The following RNF150 variants were observed in gnomAD, a reference collection of about 807,000 sequenced individuals.
RNF150 encodes ring finger protein 150.
A neutral mutation model predicts 39.3 loss-of-function variants in RNF150; 24 were observed. That is an observed-to-expected ratio of 0.61 (90% CI 0.44 to 0.86). The LOEUF (loss-of-function observed/expected upper bound fraction) is 0.86, where lower values mean the gene tolerates loss of function less well. Among genes scored for constraint, RNF150 ranks in the 40% least tolerant of loss-of-function variants. The pLI, the probability that RNF150 is intolerant of heterozygous loss-of-function variation, is 0.00. For missense variants in RNF150, 502 were observed against 587.8 expected (o/e 0.85, Z 1.51); for synonymous variants, 255 against 227.3 (o/e 1.12, Z -1.10).
chr4:140,980,741 G>C (rs768360213), intron 1 of RNF150, among the ~76,000 whole-genome samples: 1 of 152,150 alleles, frequency 6.6e-6, no homozygotes, highest in Non-Finnish European at 1.5e-5. Context: ...CCTTCCGCAT[G>C]ATTGTAAGTT....
At position 140,911,163 on chromosome 4, in the gene RNF150, G is replaced by T. The variant is rs761038881; in HGVS notation, c.1179C>A (p.Asp393Glu). 1.4e-5 allele frequency: 22 copies of T among 1,613,658 alleles called. No homozygotes were observed. The highest frequency in any genetic ancestry group is 1.8e-5 in the Non-Finnish European group (21 of 1,179,694). The change falls in exon 6 of 7, where the codon GAC (aspartate) becomes GAA (glutamate). Residue 393 changes from aspartate to glutamate, a missense_variant. Asp to Glu is a conservative substitution (Grantham distance 45). Transcript: ENST00000515673. Reference protein sequence around the residue: ...QDTDPIPQEGDVIFTTNSEQE... With the variant: ...QDTDPIPQEGEVIFTTNSEQE... ...ACTCACTGTTAGTAGTAAAGATGAC[G>T]TCTCCCTCCTGGGGGATGGGGTCTG...
At chr4:141,163,332 C>T (rs1175109791) in intron 1 of RNF150, among the ~76,000 whole-genome samples, 3 of 152,228 alleles carry the variant, frequency 2.0e-5, no homozygotes, top group Non-Finnish European at 4.4e-5. Flanking sequence ...TCTCCCATCT[C>T]CCTGGGACAG....
At chr4:141,191,089 G>T (rs17006963) in intron 1 of RNF150, among the ~76,000 whole-genome samples, 1 of 152,100 alleles carries the variant, frequency 6.6e-6, no homozygotes, top group Non-Finnish European at 1.5e-5. Context: ...AGAAGAGATG[G>T]GTCCTTAAAT....
chr4:140,976,566 G>A (rs1037694702), intron 1 of RNF150, among the ~76,000 whole-genome samples: 1 of 151,924 alleles, frequency 6.6e-6, no homozygotes, highest in Non-Finnish European at 1.5e-5. Flanking sequence ...CCTCTGGAAT[G>A]CTGACTTCAA....
At chr4:140,896,020 T>C (rs1009608879) in intron 6 of RNF150, among the ~76,000 whole-genome samples, 1 of 131,898 alleles carries the variant, frequency 7.6e-6, no homozygotes, top group Non-Finnish European at 1.6e-5. Flanking sequence ...TGGCAATCAT[T>C]AAAAAGTCAG....
chr4:141,090,426 C>T (rs1303786342), intron 1 of RNF150, among the ~76,000 whole-genome samples: 2 of 151,986 alleles, frequency 1.3e-5, no homozygotes, highest in African/African-American at 4.8e-5. Context: ...GTGGATGTAA[C>T]CAAACAAAAT....
intron 1 of RNF150, among the ~76,000 whole-genome samples, chr4:141,071,761 G>C (rs1247066120): frequency 6.6e-6 from 1 of 152,154 alleles, no homozygotes; most frequent in East Asian, 1.9e-4. Flanking sequence ...AATCAAAAGA[G>C]ATAATGATGG....
intron 1 of RNF150, among the ~76,000 whole-genome samples, chr4:141,086,068 A>ACC (rs1560730857): frequency 1.4e-5 from 2 of 141,720 alleles, no homozygotes; most frequent in South Asian, 2.3e-4. Flanking sequence ...ACACACACAC[A>ACC]CCCTTCTAGG....
intron 1 of RNF150, among the ~76,000 whole-genome samples, chr4:140,998,873 C>CT (rs762196853): frequency 2.6e-5 from 4 of 152,060 alleles, no homozygotes; most frequent in Non-Finnish European, 5.9e-5. Context: ...TATGTCACTA[C>CT]CAAGAGTCAA....
intron 1 of RNF150, among the ~76,000 whole-genome samples, chr4:141,020,188 G>C (rs753764590): frequency 6.6e-6 from 1 of 151,396 alleles, no homozygotes; most frequent in Non-Finnish European, 1.5e-5. Flanking sequence ...GTTTTAGCTT[G>C]ACTGCTCCAT....
intron 1 of RNF150, among the ~76,000 whole-genome samples, chr4:141,162,919 G>A (rs554334728): frequency 2.4e-4 from 36 of 152,230 alleles, no homozygotes; most frequent in African/African-American, 6.0e-4. Context: ...AGTGTTTTTC[G>A]TACCCTAGTG....
At chr4:140,888,274 A>G (rs552193039) in intron 6 of RNF150, among the ~76,000 whole-genome samples, 28 of 152,302 alleles carry the variant, frequency 1.8e-4, no homozygotes, top group African/African-American at 6.5e-4. Context: ...AGCTACAGAA[A>G]AGAGGCTTGA....
intron 1 of RNF150, among the ~76,000 whole-genome samples, chr4:141,124,315 G>A (rs1726694510): frequency 6.6e-6 from 1 of 152,210 alleles, no homozygotes; most frequent in South Asian, 2.1e-4. Context: ...TGTTAATGGT[G>A]GGTAACATGC....
Position 141,037,110 on chromosome 4 carries a change from G to T in RNF150, c.485-69237C>A, listed in dbSNP as rs115138956. ...CACAAAATACACATGATCGTAGATT[G>T]TAGAAGAAAATTATAGATGGCTTAT... On this transcript the variant is annotated intron_variant, in intron 1 of 6. Transcript: ENST00000515673. Among the ~76,000 whole-genome samples, 518 of 152,234 alleles carry T rather than the reference G, an allele frequency of 3.4e-3. 1 individual carries two copies. Among genetic ancestry groups the T allele is most frequent in the African/African-American group, 0.012 (494 of 41,530 alleles).
At chr4:140,956,287 G>T (rs943728505) in intron 2 of RNF150, among the ~76,000 whole-genome samples, 12 of 152,166 alleles carry the variant, frequency 7.9e-5, no homozygotes, top group Admixed American at 3.3e-4. Flanking sequence ...TTGCCATCCT[G>T]CAGGGTTTTC....
intron 1 of RNF150, among the ~76,000 whole-genome samples, chr4:141,145,315 G>A (rs1251662293): frequency 6.6e-6 from 1 of 152,078 alleles, no homozygotes; most frequent in South Asian, 2.1e-4. Flanking sequence ...TACAAATTGA[G>A]TTAGAAATAT....
intron 6 of RNF150, among the ~76,000 whole-genome samples, chr4:140,904,244 T>A (rs1156863782): frequency 1.3e-5 from 2 of 152,178 alleles, no homozygotes; most frequent in African/African-American, 4.8e-5. Flanking sequence ...TGGAATAGTG[T>A]TACAATCTTC....
At chr4:140,927,537 C>T (rs1731443746) in intron 4 of RNF150, among the ~76,000 whole-genome samples, 1 of 152,154 alleles carries the variant, frequency 6.6e-6, no homozygotes, top group African/African-American at 2.4e-5. Context: ...TCTTTGCCTT[C>T]TGCCATGATT....
chr4:140,971,854 C>G (rs1050199767), intron 1 of RNF150, among the ~76,000 whole-genome samples: 6 of 152,116 alleles, frequency 3.9e-5, no homozygotes, highest in African/African-American at 7.2e-5. Flanking sequence ...CAGTACAGTG[C>G]TAGACATTTC....
Sources: allele counts gnomAD v4.1 joint callset (sites outside exome capture counted in the v4.1 genomes callset), GRCh38; gene constraint gnomAD v4.1.1; transcripts MANE v1.5; gene names NCBI Gene and HGNC (gene_info 2026-07-23, HGNC 2026-07-21).